Variants in DPP10 observed in about 807,000 individuals in gnomAD.
DPP10 encodes inactive dipeptidyl peptidase 10.
Under a neutral mutation model 120.9 loss-of-function variants are expected in DPP10, and 33 were observed. The ratio of observed to expected loss-of-function variants is 0.27; its 90% CI spans 0.21 to 0.37. DPP10 has a LOEUF of 0.37. DPP10 is among the 10% of genes least tolerant of loss of function. The probability of loss-of-function intolerance (pLI) is 1.00; values close to 1 mark genes in which losing one functional copy is unlikely to be tolerated. For synonymous variants in DPP10, 337 were observed against 326.1 expected, an observed-to-expected ratio of 1.03 and a Z score of -0.36; for missense variants, 816 against 942.8, an observed-to-expected ratio of 0.87 and a Z score of 1.76.
At chr2:114,659,995 C>G (rs10210493) in intron 1 of DPP10, among the ~76,000 whole-genome samples, 46,090 of 152,028 alleles carry the variant, frequency 0.3, 9,161 homozygotes, top group African/African-American at 0.56. Context: ...TCAACACCTT[C>G]ATTTCAGACT....
chr2:115,599,573 C>A (rs1056841514), intron 5 of DPP10, among the ~76,000 whole-genome samples: 1 of 152,070 alleles, frequency 6.6e-6, no homozygotes, highest in African/African-American at 2.4e-5. Flanking sequence ...CCTTGAAGAA[C>A]AAAGTTATAA....
intron 3 of DPP10, among the ~76,000 whole-genome samples, chr2:115,431,443 A>G (rs2104776441): frequency 6.6e-6 from 1 of 152,282 alleles, no homozygotes; most frequent in South Asian, 2.1e-4. Context: ...CAGGATGCAG[A>G]TGAGGGAAAA....
intron 12 of DPP10, 65 bp from the exon 13 acceptor site, chr2:115,768,232 C>T: frequency 1.5e-6 from 2 of 1,371,850 alleles, no homozygotes; most frequent in South Asian, 1.2e-5. Flanking sequence ...CAGGAATTAA[C>T]AGTAGTAGGC....
chr2:114,924,421 G>T (rs1695442737), intron 1 of DPP10, among the ~76,000 whole-genome samples: 1 of 151,998 alleles, frequency 6.6e-6, no homozygotes, highest in Admixed American at 6.5e-5. Context: ...CAGCTACTCT[G>T]GAAGCTGAGG....
intron 5 of DPP10, among the ~76,000 whole-genome samples, chr2:115,592,338 GA>G (rs1340339437): frequency 6.6e-6 from 1 of 152,154 alleles, no homozygotes; most frequent in Non-Finnish European, 1.5e-5. Context: ...TTAGGTAAAT[GA>G]AGCTTCCCTC....
At chr2:114,759,491 C>A (rs1300979244) in intron 1 of DPP10, among the ~76,000 whole-genome samples, 1 of 149,982 alleles carries the variant, frequency 6.7e-6, no homozygotes, top group Non-Finnish European at 1.5e-5. Flanking sequence ...TTAATAAACT[C>A]TTTAGTTTTA....
chr2:115,667,761 G>A (rs758638342), intron 5 of DPP10, among the ~76,000 whole-genome samples: 9 of 151,738 alleles, frequency 5.9e-5, no homozygotes, highest in Non-Finnish European at 1.0e-4. Context: ...TTTAAAGTTG[G>A]GTAATATGAT....
intron 17 of DPP10, among the ~76,000 whole-genome samples, chr2:115,790,577 A>G (rs1326377824): frequency 6.6e-6 from 1 of 152,090 alleles, no homozygotes; most frequent in Admixed American, 6.5e-5. Context: ...CTAATATTTT[A>G]TTAATATCAC....
intron 3 of DPP10, among the ~76,000 whole-genome samples, chr2:115,420,970 G>C (rs188748593): frequency 1.2e-4 from 18 of 152,234 alleles, no homozygotes; most frequent in Non-Finnish European, 2.1e-4. Flanking sequence ...TAATTTTATT[G>C]TTATAAGATA....
intron 5 of DPP10, among the ~76,000 whole-genome samples, chr2:115,554,657 ATCTTTCTTCT>A (rs2080099137): frequency 6.6e-6 from 1 of 152,064 alleles, no homozygotes; most frequent in African/African-American, 2.4e-5. Flanking sequence ...TTCCGAAAAC[ATCTTTCTTCT>A]TAAGCACACA....
Position 115,544,295 on chromosome 2 carries a change from G to A in DPP10, c.441+18323G>A, listed in dbSNP as rs116190341. On this transcript the variant is annotated intron_variant, in intron 5 of 25. Transcript: ENST00000410059. The stretch of plus-strand genomic sequence containing the variant: ...GCTGTTGTTATAGTTTTAATTTCTT[G>A]TTTTTACATATAAACCTCCTGGGCT... Among the ~76,000 whole-genome samples, 593 of 152,098 alleles carry A rather than the reference G, an allele frequency of 3.9e-3. 4 individuals carry two copies. The highest frequency in any genetic ancestry group is 6.6e-3 in the Admixed American group (101 of 15,256).
intron 1 of DPP10, among the ~76,000 whole-genome samples, chr2:114,534,467 C>G (rs539798746): frequency 6.6e-6 from 1 of 152,244 alleles, no homozygotes; most frequent in East Asian, 1.9e-4. Context: ...CTTTCAGATT[C>G]GCAAGAGGAG....
chr2:115,799,903 A>G (rs1236827878), intron 19 of DPP10, among the ~76,000 whole-genome samples: 1 of 152,024 alleles, frequency 6.6e-6, no homozygotes, highest in African/African-American at 2.4e-5. Flanking sequence ...ATACGTGTGC[A>G]TGTGTCTTTA....
chr2:115,429,283 A>C (rs1450279017), intron 3 of DPP10, among the ~76,000 whole-genome samples: 1 of 152,048 alleles, frequency 6.6e-6, no homozygotes, highest in African/African-American at 2.4e-5. Flanking sequence ...TTTGGAGGCT[A>C]CTGTAATGTT....
Position 115,766,397 on chromosome 2 carries a change from G to GA in DPP10, c.1114-1894dup, listed in dbSNP as rs572025221. 2.8e-3 allele frequency among the ~76,000 whole-genome samples: 386 copies of GA among 139,220 alleles called. 2 individuals carry two copies. Among genetic ancestry groups the GA allele is most frequent in the Non-Finnish European group, 3.9e-3 (252 of 65,234 alleles). 91.3% of individuals were successfully genotyped at this position (139,220 alleles called of 152,430 possible). On this transcript the variant is annotated intron_variant, in intron 12 of 25. Transcript: ENST00000410059. ...TTTACCCCCACCATTAAAAGTAATGGAAAAAACCTCAATTAATTTTGCACC... is the reference window on the plus strand; with the variant it reads ...TTTACCCCCACCATTAAAAGTAATGGAAAAAAACCTCAATTAATTTTGCACC...
At chr2:115,470,233 G>C (rs1380309899) in intron 3 of DPP10, among the ~76,000 whole-genome samples, 1 of 152,130 alleles carries the variant, frequency 6.6e-6, no homozygotes, top group African/African-American at 2.4e-5. Flanking sequence ...TGTGGGCATT[G>C]CTTATTTGAC....
At chr2:115,684,881 A>G (rs1354803632) in intron 5 of DPP10, among the ~76,000 whole-genome samples, 2 of 152,106 alleles carry the variant, frequency 1.3e-5, no homozygotes, top group African/African-American at 4.8e-5. Context: ...GTAATCAATT[A>G]ATTCATACAT....
intron 1 of DPP10, among the ~76,000 whole-genome samples, chr2:114,681,580 T>A (rs1027615278): frequency 6.6e-6 from 1 of 152,000 alleles, no homozygotes; most frequent in Non-Finnish European, 1.5e-5. Context: ...TTAAATGAAA[T>A]GCCTCCTGTA....
intron 1 of DPP10, among the ~76,000 whole-genome samples, chr2:114,450,338 T>C (rs1678191719): frequency 6.6e-6 from 1 of 152,182 alleles, no homozygotes; most frequent in Admixed American, 6.5e-5. Flanking sequence ...CATATAGTCT[T>C]CTGTACCTCT....
Sources: allele counts gnomAD v4.1 joint callset (sites outside exome capture counted in the v4.1 genomes callset), GRCh38; gene constraint gnomAD v4.1.1; transcripts MANE v1.5; gene names NCBI Gene and HGNC (gene_info 2026-07-23, HGNC 2026-07-21).